Variants in PSAT1 observed in about 807,000 individuals in gnomAD.
The protein encoded by PSAT1 is phosphoserine aminotransferase.
In PSAT1, 41 loss-of-function variants were observed where a neutral mutation model predicts 40.3. The observed-to-expected ratio is 1.02, with a 90% CI of 0.79 to 1.32. The LOEUF is 1.32. Among genes scored for constraint, PSAT1 ranks in the 40% most tolerant of loss-of-function variants. PSAT1 has a pLI of 0.00. For synonymous variants in PSAT1, 147 were observed against 170.5 expected, an observed-to-expected ratio of 0.86 and a Z score of 1.07; for missense variants, 406 against 455.8, an observed-to-expected ratio of 0.89 and a Z score of 0.99.
intron 7 of PSAT1, among the ~76,000 whole-genome samples, chr9:78,326,955 A>ATATT: frequency 6.5e-4 from 49 of 75,926 alleles, no homozygotes; most frequent in South Asian, 2.6e-3. Context: ...ATATATATAT[A>ATATT]TTTTTTTTTT....
At chr9:78,326,955 A>ATATATATATTTTTTTTTTTTTTTTT in intron 7 of PSAT1, among the ~76,000 whole-genome samples, 1 of 75,934 alleles carries the variant, frequency 1.3e-5, no homozygotes, top group African/African-American at 9.5e-5. Context: ...ATATATATAT[A>ATATATATATTTTTTTTTTTTTTTTT]TTTTTTTTTT....
chr9:78,297,384 T>A, intron 1 of PSAT1, 114 bp downstream of exon 1: 3 of 1,242,664 alleles, frequency 2.4e-6, no homozygotes, highest in Middle Eastern at 2.6e-4. Flanking sequence ...TTGAGTCCCC[T>A]AGGCGCTTTG....
intron 6 of PSAT1, among the ~76,000 whole-genome samples, chr9:78,316,827 C>T (rs185073056): frequency 6.6e-6 from 1 of 152,310 alleles, no homozygotes; most frequent in East Asian, 1.9e-4. Flanking sequence ...TCTCTGCTGG[C>T]TGGAAGGCAC....
Position 78,328,880 on chromosome 9 carries a change from C to T in PSAT1, c.1008-101C>T, listed in dbSNP as rs911915566. 7.8e-6 allele frequency: 7 copies of T among 896,808 alleles called. No homozygotes were observed. In the African/African-American group the frequency reaches 8.2e-5, roughly 10 times the overall value. The allele number at this position is 896,808 out of a possible 1,614,324, so 55.6% of individuals were successfully genotyped here. ...TAGGTAGGAGACCGGAAATGATGGTCTCAGGTGCTGCAACTCTCAGGAGCC... is the reference window on the plus strand; with the variant it reads ...TAGGTAGGAGACCGGAAATGATGGTTTCAGGTGCTGCAACTCTCAGGAGCC... On this transcript the variant is annotated intron_variant, in intron 8 of 8. Transcript: ENST00000376588.
intron 7 of PSAT1, among the ~76,000 whole-genome samples, chr9:78,320,145 T>C (rs1828405463): frequency 6.7e-6 from 1 of 150,364 alleles, no homozygotes; most frequent in South Asian, 2.1e-4. Context: ...TATCCATCCA[T>C]TACCCACCCA....
At chr9:78,297,896 C>A (rs1225464745) in intron 1 of PSAT1, among the ~76,000 whole-genome samples, 1 of 152,110 alleles carries the variant, frequency 6.6e-6, no homozygotes, top group Non-Finnish European at 1.5e-5. Context: ...AATTTGAAAA[C>A]CTTCAGTCCA....
chr9:78,298,844 T>A (rs1828064673), intron 1 of PSAT1, among the ~76,000 whole-genome samples: 1 of 152,142 alleles, frequency 6.6e-6, no homozygotes, highest in African/African-American at 2.4e-5. Context: ...GTGAAAAACA[T>A]GTTTACAAAA....
Position 78,317,750 on chromosome 9 carries a change from C to G in PSAT1, c.815C>G (p.Ser272Cys), listed in dbSNP as rs777528851. The change falls in exon 7 of 9, where the codon TCC (serine) becomes TGC (cysteine). Residue 272 changes from serine (S) to cysteine (C), a missense_variant. Physicochemically the swap from Ser to Cys is moderately radical, Grantham distance 112. Coordinates refer to ENST00000376588, the MANE Select transcript of PSAT1 (RefSeq NM_058179.4). ...GCCGCGGCCATGGAGAAGCTTAGCT[C>G]CATCAAATCTCAAACAATTTATGAG... is the stretch of plus-strand genomic sequence containing the variant. ...GGAAAMEKLS[S>C]IKSQTIYEII... 6.2e-7 allele frequency: 1 copy of G among 1,613,662 alleles called. No individual in the cohort carries two copies. Among genetic ancestry groups the G allele is most frequent in the Non-Finnish European group, 8.5e-7 (1 of 1,179,760 alleles).
intron 5 of PSAT1, among the ~76,000 whole-genome samples, chr9:78,306,733 C>G (rs1306794256): frequency 3.9e-5 from 6 of 152,174 alleles, no homozygotes; most frequent in Non-Finnish European, 1.5e-5. Flanking sequence ...GGGGAACTAC[C>G]TGCTTTTGAG....
chr9:78,301,887 A>G, intron 2 of PSAT1, 67 bp from the exon 3 acceptor site: 2 of 1,235,546 alleles, frequency 1.6e-6, no homozygotes, highest in Non-Finnish European at 2.4e-6. Context: ...CAAATTTCGT[A>G]GGTATTTCTG....
intron 7 of PSAT1, among the ~76,000 whole-genome samples, chr9:78,320,361 T>G (rs1231099015): frequency 8.7e-6 from 1 of 114,372 alleles, no homozygotes; most frequent in African/African-American, 4.4e-5. Context: ...TCCATCCATC[T>G]GCCCACCCAT....
rs1172598039 is a variant in PSAT1, at chr9:78,317,552, T to C, written c.741-124T>C. 4.2e-6 allele frequency: 5 copies of C among 1,181,288 alleles called. No individual in the cohort carries two copies. The Admixed American group carries it at 8.5e-5, about 20-fold the overall frequency. 73.2% of individuals were successfully genotyped at this position (1,181,288 alleles called of 1,614,324 possible). A position where few individuals can be genotyped will look rare whatever the true frequency, so the allele number is the denominator to read the frequency against. On this transcript the variant is annotated intron_variant, in intron 6 of 8. Transcript: ENST00000376588. Reference sequence around the variant, plus strand: ...GGGCGTGAGCCACTGCATTTGACTATCTTGTCTATTTCAAATAATGTGTTT... The same window carrying C: ...GGGCGTGAGCCACTGCATTTGACTACCTTGTCTATTTCAAATAATGTGTTT...
intron 7 of PSAT1, among the ~76,000 whole-genome samples, chr9:78,326,955 A>ATTTTTTTTTTTTTTTTTTTTT (rs1554688170): frequency 1.3e-5 from 1 of 75,964 alleles, no homozygotes; most frequent in African/African-American, 9.5e-5. Flanking sequence ...ATATATATAT[A>ATTTTTTTTTTTTTTTTTTTTT]TTTTTTTTTT....
intron 1 of PSAT1, among the ~76,000 whole-genome samples, chr9:78,299,062 C>T (rs536601957): frequency 8.8e-5 from 13 of 146,898 alleles, no homozygotes; most frequent in Non-Finnish European, 1.9e-4. Context: ...ATCTCTTGAG[C>T]CCAGGAGTTT....
chr9:78,326,956 T>TATA (rs1491277712), intron 7 of PSAT1, among the ~76,000 whole-genome samples: 1,831 of 59,002 alleles, frequency 0.031, 27 homozygotes, highest in East Asian at 0.11. Context: ...TATATATATA[T>TATA]TTTTTTTTTT....
At chr9:78,319,917 T>G (rs901568006) in intron 7 of PSAT1, among the ~76,000 whole-genome samples, 2 of 151,726 alleles carry the variant, frequency 1.3e-5, no homozygotes, top group African/African-American at 4.9e-5. Context: ...TTAGTCCACC[T>G]ATTTATTCAT....
At chr9:78,307,677 T>C (rs1176643468) in intron 5 of PSAT1, among the ~76,000 whole-genome samples, 1 of 152,214 alleles carries the variant, frequency 6.6e-6, no homozygotes, top group Admixed American at 6.5e-5. Flanking sequence ...GTCCCATCCC[T>C]TCTCTTTGTC....
chr9:78,317,477 C>T (rs1189433614), intron 6 of PSAT1, among the ~76,000 whole-genome samples, 199 bp from the exon 7 acceptor site: 2 of 152,224 alleles, frequency 1.3e-5, no homozygotes, highest in Non-Finnish European at 2.9e-5. Flanking sequence ...TTTCCAACTC[C>T]TGGCTTCAAG....
rs1336863412 is a variant in PSAT1 at position 78,329,226 on chromosome 9, A to G, written c.*140A>G. ...CAGATTCTTCTTTTTTGAAAGAACAACAGCAAAACATCCACAACTCTGTAA... is the reference window on the plus strand; with the variant it reads ...CAGATTCTTCTTTTTTGAAAGAACAGCAGCAAAACATCCACAACTCTGTAA... On this transcript the variant is annotated 3_prime_UTR_variant, in exon 9 of 9. Coordinates refer to ENST00000376588, the MANE Select transcript of PSAT1 (RefSeq NM_058179.4). 10 of 689,686 alleles carry G rather than the reference A, an allele frequency of 1.4e-5. No individual in the cohort carries two copies. The highest frequency in any genetic ancestry group is 2.6e-5 in the Non-Finnish European group (10 of 385,590). 42.7% of individuals were successfully genotyped at this position (689,686 alleles called of 1,614,324 possible).
Sources: allele counts gnomAD v4.1 joint callset (sites outside exome capture counted in the v4.1 genomes callset), GRCh38; gene constraint gnomAD v4.1.1; transcripts MANE v1.5; gene names NCBI Gene and HGNC (gene_info 2026-07-23, HGNC 2026-07-21).